SEC24D: variants seen among roughly 807,000 people sequenced by gnomAD.
The protein encoded by SEC24D is SEC24 homolog D, COPII component.
In SEC24D, 69 loss-of-function variants were observed where a neutral mutation model predicts 116.9. The observed-to-expected ratio is 0.59, with a 90% CI of 0.49 to 0.72. The LOEUF is 0.72. Among genes scored for constraint, SEC24D ranks in the 30% least tolerant of loss-of-function variants. SEC24D has a pLI of 0.00. For synonymous variants in SEC24D, 405 were observed against 442.8 expected (o/e 0.91, Z 1.07); for missense variants, 1,131 against 1,264.1 (o/e 0.89, Z 1.60).
intron 19 of SEC24D, among the ~76,000 whole-genome samples, chr4:118,733,762 T>A (rs954605182): frequency 2.6e-5 from 4 of 152,220 alleles, no homozygotes; most frequent in Non-Finnish European, 5.9e-5. Flanking sequence ...CCATGTTTCC[T>A]ATTCAGTGTA....
chr4:118,774,497 A>G (rs747602309), intron 8 of SEC24D, among the ~76,000 whole-genome samples: 34 of 152,316 alleles, frequency 2.2e-4, no homozygotes, highest in East Asian at 9.6e-4. Context: ...CACATTGTTC[A>G]GAGGAATGCA....
chr4:118,815,777 C>A, intron 4 of SEC24D, 51 bp from the exon 5 acceptor site: 1 of 1,586,268 alleles, frequency 6.3e-7, no homozygotes, highest in South Asian at 1.1e-5. Flanking sequence ...TCTCAACTCT[C>A]TGACTTCTGC....
At chr4:118,831,178 T>C (rs1159044108) in intron 2 of SEC24D, among the ~76,000 whole-genome samples, 2 of 152,110 alleles carry the variant, frequency 1.3e-5, no homozygotes, top group Non-Finnish European at 2.9e-5. Flanking sequence ...TGTGCCACCA[T>C]GCCCAGCTAA....
intron 2 of SEC24D, among the ~76,000 whole-genome samples, chr4:118,829,160 G>T (rs571636454): frequency 1.4e-3 from 215 of 152,308 alleles, no homozygotes; most frequent in African/African-American, 4.7e-3. Flanking sequence ...TGAGGACTGA[G>T]ATTAGGCTTA....
In SEC24D at chr4:118,805,836, C is replaced by T; in HGVS notation, c.913+7G>A. 1 of 1,496,128 alleles carries T rather than the reference C, an allele frequency of 6.7e-7. No homozygotes were observed. Among genetic ancestry groups the T allele is most frequent in the Non-Finnish European group, 8.9e-7 (1 of 1,119,474 alleles). 92.7% of individuals were successfully genotyped at this position (1,496,128 alleles called of 1,614,324 possible). A position where few individuals can be genotyped will look rare whatever the true frequency, so the allele number is the denominator to read the frequency against. On this transcript the variant is annotated splice_region_variant and intron_variant, in intron 7 of 22. Transcript: ENST00000280551. ...CCTTAATAAATGGCATAATTAAAAA[C>T]AAATACCTTGGTCTTGTATCATGCA...
At chr4:118,769,260 T>A (rs1047170217) in intron 8 of SEC24D, among the ~76,000 whole-genome samples, 12 of 152,212 alleles carry the variant, frequency 7.9e-5, no homozygotes, top group Admixed American at 2.6e-4. Context: ...ATTCAATTGC[T>A]TCTTCCTCAT....
chr4:118,836,045 C>T lies in SEC24D; in HGVS notation c.-146G>A, dbSNP rs1288655521. 2 of 152,252 alleles carry T rather than the reference C, an allele frequency of 1.3e-5. No homozygotes were observed. The highest frequency in any genetic ancestry group is 2.9e-5 in the Non-Finnish European group (2 of 68,098). 9.4% of individuals were successfully genotyped at this position (152,252 alleles called of 1,614,324 possible). ...CTCCCGCTGCGGTCGCTTCTCCCGC[C>T]GCGCCTCTTCCCCGGCCGGCGTCCC... On this transcript the variant is annotated 5_prime_UTR_variant, in exon 1 of 23. Transcript: ENST00000280551.
chr4:118,728,847 T>C (rs998554666), intron 21 of SEC24D, 197 bp from the exon 22 acceptor site: 2 of 492,166 alleles, frequency 4.1e-6, no homozygotes, highest in African/African-American at 3.9e-5. Flanking sequence ...CAGAAGACAA[T>C]TATTTCTGTC....
intron 8 of SEC24D, among the ~76,000 whole-genome samples, chr4:118,788,016 A>C (rs994761952): frequency 1.3e-5 from 2 of 152,118 alleles, no homozygotes; most frequent in Admixed American, 6.5e-5. Flanking sequence ...ATGGGGTCTC[A>C]CTATGTTGCC....
chr4:118,769,678 A>C (rs988803639), intron 8 of SEC24D: 8 of 152,202 alleles, frequency 5.3e-5, no homozygotes, highest in Non-Finnish European at 1.0e-4. Context: ...TATTAACACA[A>C]TACTCAAAAG....
intron 2 of SEC24D, among the ~76,000 whole-genome samples, chr4:118,826,707 T>C (rs1371777805): frequency 6.6e-6 from 1 of 151,574 alleles, no homozygotes; most frequent in Non-Finnish European, 1.5e-5. Flanking sequence ...GCAATTTTCA[T>C]GAAAACCCCT....
At chr4:118,736,614 C>T (rs1725973507) in intron 19 of SEC24D, 1 of 263,850 alleles carries the variant, frequency 3.8e-6, no homozygotes, top group Non-Finnish European at 7.4e-6. Flanking sequence ...CTGAAGAGAA[C>T]ATTAAGTCCA....
intron 8 of SEC24D, among the ~76,000 whole-genome samples, chr4:118,797,446 T>C (rs1321434183): frequency 6.6e-6 from 1 of 152,224 alleles, no homozygotes; most frequent in Non-Finnish European, 1.5e-5. Context: ...ATGTGTGCAT[T>C]ACTACAATAC....
chr4:118,753,038 A>G (rs901683503), intron 11 of SEC24D, 150 bp from the exon 12 acceptor site: 2 of 552,314 alleles, frequency 3.6e-6, no homozygotes, highest in African/African-American at 2.0e-5. Flanking sequence ...AGTGTAAACA[A>G]TACTAGTCAC....
chr4:118,751,626 GC>G (rs1182806564), intron 13 of SEC24D, among the ~76,000 whole-genome samples: 1 of 152,180 alleles, frequency 6.6e-6, no homozygotes, highest in Non-Finnish European at 1.5e-5. Context: ...CTGTGACAAG[GC>G]CTTGGCCTGT....
At chr4:118,755,659 T>A (rs1727058079) in intron 11 of SEC24D, among the ~76,000 whole-genome samples, 1 of 151,980 alleles carries the variant, frequency 6.6e-6, no homozygotes. Context: ...ATTAACACAC[T>A]CTCAGATGTT....
chr4:118,768,157 T>C lies in SEC24D; in HGVS notation c.1180+16A>G, dbSNP rs747107957. 1.9e-6 allele frequency: 3 copies of C among 1,603,684 alleles called. No homozygotes were observed. Among genetic ancestry groups the C allele is most frequent in the Non-Finnish European group, 1.7e-6 (2 of 1,175,262 alleles). ...AATAAAGAATTTCACAAAGAGCTTT[T>C]AATGGCACTGCTTACCATCATTCAC... is the stretch of plus-strand genomic sequence containing the variant. On this transcript the variant is annotated intron_variant, in intron 9 of 22. Coordinates refer to ENST00000280551, the MANE Select transcript of SEC24D (RefSeq NM_014822.4).
chr4:118,834,891 C>A (rs1306858539), intron 1 of SEC24D, among the ~76,000 whole-genome samples: 1 of 152,160 alleles, frequency 6.6e-6, no homozygotes, highest in Non-Finnish European at 1.5e-5. Flanking sequence ...AATAACATTT[C>A]AAATTAAAAA....
intron 8 of SEC24D, among the ~76,000 whole-genome samples, chr4:118,796,806 C>G (rs1044155017): frequency 6.6e-6 from 1 of 152,210 alleles, no homozygotes; most frequent in African/African-American, 2.4e-5. Flanking sequence ...TTACATCAGC[C>G]TACTTCAAAG....
Sources: allele counts gnomAD v4.1 joint callset (sites outside exome capture counted in the v4.1 genomes callset), GRCh38; gene constraint gnomAD v4.1.1; transcripts MANE v1.5; gene names NCBI Gene and HGNC (gene_info 2026-07-23, HGNC 2026-07-21).